The following NRP2 variants were observed in gnomAD, a reference collection of about 807,000 sequenced individuals.
The protein encoded by NRP2 is neuropilin 2, also known as neuropilin-2.
NRP2 carries 52 observed loss-of-function variants against 110.4 expected under a neutral mutation model. The ratio of observed to expected loss-of-function variants is 0.47; its 90% CI spans 0.38 to 0.59. The LOEUF is 0.59. NRP2 is among the 20% of genes least tolerant of loss of function. NRP2 has a pLI of 0.00. For missense variants in NRP2, 1,049 were observed against 1,203.0 expected (o/e 0.87, Z 1.89); for synonymous variants, 508 against 468.9 (o/e 1.08, Z -1.08).
Position 205,745,800 on chromosome 2 carries a change from A to AT in NRP2, c.1698dup (p.Pro567SerfsTer27), listed in dbSNP as rs754207413. 6.2e-7 allele frequency: 1 copy of AT among 1,614,118 alleles called. No homozygotes were observed. Among genetic ancestry groups the AT allele is most frequent in the Non-Finnish European group, 8.5e-7 (1 of 1,180,034 alleles). ...CCCTGACATCCGAAGGTTTGACCCC[A>AT]TTCCGGCACAGTATGTGCGGGTATA... is the stretch of plus-strand genomic sequence containing the variant. On this transcript the variant is annotated frameshift_variant, in exon 10 of 17. Transcript: ENST00000357785. LOFTEE classifies it high-confidence loss of function.
chr2:205,716,511 C>A, intron 3 of NRP2, 137 bp downstream of exon 3: 1 of 600,066 alleles, frequency 1.7e-6, no homozygotes, highest in Non-Finnish European at 2.6e-6. Context: ...CAAGGTGAAC[C>A]CACAAACATC....
At chr2:205,739,199 C>T (rs569956337) in intron 7 of NRP2, among the ~76,000 whole-genome samples, 157 of 152,274 alleles carry the variant, frequency 1.0e-3, no homozygotes, top group African/African-American at 3.5e-3. Flanking sequence ...TGACTCCCAG[C>T]CACCAGCATA....
intron 2 of NRP2, among the ~76,000 whole-genome samples, chr2:205,715,753 C>G (rs1310106819): frequency 6.6e-6 from 1 of 152,062 alleles, no homozygotes; most frequent in Admixed American, 6.5e-5. Flanking sequence ...TCTCCCCAGC[C>G]TTGTGGAGTG....
intron 1 of NRP2, among the ~76,000 whole-genome samples, chr2:205,693,206 C>T (rs532093132): frequency 2.2e-4 from 33 of 152,300 alleles, no homozygotes; most frequent in African/African-American, 7.7e-4. Context: ...ATATTATTTT[C>T]AGAGGAAATG....
At chr2:205,699,202 C>T (rs890598175) in intron 2 of NRP2, among the ~76,000 whole-genome samples, 1 of 152,154 alleles carries the variant, frequency 6.6e-6, no homozygotes, top group Non-Finnish European at 1.5e-5. Context: ...TACATGAGTA[C>T]CCTGGATACA....
chr2:205,793,314 C>A (rs928736531), intron 16 of NRP2, among the ~76,000 whole-genome samples: 1 of 152,188 alleles, frequency 6.6e-6, no homozygotes, highest in African/African-American at 2.4e-5. Flanking sequence ...GAGTGAGTTA[C>A]CTAGTTGCCT....
At chr2:205,752,655 G>A in intron 11 of NRP2, 180 bp from the exon 12 acceptor site, 1 of 664,584 alleles carries the variant, frequency 1.5e-6, no homozygotes, top group South Asian at 1.8e-5. Context: ...GGAAGGATGA[G>A]ACCAAAGCCT....
intron 2 of NRP2, among the ~76,000 whole-genome samples, chr2:205,704,941 T>C (rs1381692241): frequency 2.6e-5 from 4 of 152,118 alleles, no homozygotes; most frequent in African/African-American, 9.7e-5. Context: ...CTTAAGAAAT[T>C]CAGTGGGAGC....
intron 11 of NRP2, among the ~76,000 whole-genome samples, chr2:205,750,770 G>A (rs1035955362): frequency 6.6e-6 from 1 of 152,176 alleles, no homozygotes; most frequent in Non-Finnish European, 1.5e-5. Context: ...CTAGAGAAGT[G>A]ATGGAGACAT....
Position 205,745,785 on chromosome 2 carries a change from C to T in NRP2, c.1681C>T (p.Arg561Ter), listed in dbSNP as rs770649744. Residue 561 changes from arginine to a stop codon, truncating the protein, a stop_gained, in exon 10 of 17, where the codon CGA becomes TGA. Coordinates refer to ENST00000357785, the MANE Select transcript of NRP2 (RefSeq NM_003872.3). LOFTEE classifies it high-confidence loss of function. ...CATGCACTATGACACCCCTGACATC[C>T]GAAGGTTTGACCCCATTCCGGCACA... ...GNMHYDTPDI[R>*]RFDPIPAQYV... 2.5e-6 allele frequency: 4 copies of T among 1,614,206 alleles called. No homozygotes were observed. Among genetic ancestry groups the T allele is most frequent in the Non-Finnish European group, 2.5e-6 (3 of 1,180,034 alleles).
chr2:205,744,569 T>C (rs1269065817), intron 9 of NRP2, among the ~76,000 whole-genome samples: 3 of 152,152 alleles, frequency 2.0e-5, no homozygotes, highest in Non-Finnish European at 4.4e-5. Context: ...GGAGGAGACG[T>C]CATACCTCTG....
At chr2:205,697,865 C>A in intron 2 of NRP2, 144 bp downstream of exon 2, 1 of 828,346 alleles carries the variant, frequency 1.2e-6, no homozygotes, top group Non-Finnish European at 2.1e-6. Flanking sequence ...AGGAAAACCT[C>A]AAGGGGCATT....
chr2:205,704,231 G>A (rs933164470), intron 2 of NRP2, among the ~76,000 whole-genome samples: 6 of 152,180 alleles, frequency 3.9e-5, no homozygotes, highest in Non-Finnish European at 8.8e-5. Context: ...AATAGAGGGC[G>A]GGAGGCCAGA....
chr2:205,741,049 G>A (rs1007699160), intron 8 of NRP2, among the ~76,000 whole-genome samples: 7 of 152,168 alleles, frequency 4.6e-5, no homozygotes, highest in Non-Finnish European at 1.0e-4. Context: ...AATCTAGGCA[G>A]TTCCAGTCCA....
intron 15 of NRP2, chr2:205,776,458 G>A: frequency 3.1e-6 from 5 of 1,612,686 alleles, no homozygotes; most frequent in Non-Finnish European, 4.2e-6. Flanking sequence ...CTACACCAAC[G>A]GGGCCCCTCT....
intron 2 of NRP2, among the ~76,000 whole-genome samples, chr2:205,714,023 G>A (rs997187154): frequency 6.6e-6 from 1 of 152,180 alleles, no homozygotes; most frequent in Non-Finnish European, 1.5e-5. Context: ...TCTGAAAACA[G>A]GGTCGCTTCT....
Position 205,753,107 on chromosome 2 carries a change from CCA to C in NRP2, c.2044+135_2044+136del. 2.4e-6 allele frequency: 3 copies of C among 1,244,188 alleles called. No homozygotes were observed. The South Asian group carries it at 3.7e-5, about 15-fold the overall frequency. The allele number at this position is 1,244,188 out of a possible 1,614,324, so 77.1% of individuals were successfully genotyped here. On this transcript the variant is annotated intron_variant, in intron 12 of 16. Coordinates refer to ENST00000357785, the MANE Select transcript of NRP2 (RefSeq NM_003872.3). Reference sequence around the variant, plus strand: ...TCCTCTATTCTTTGCCCACAAACCACCACAGTCTTTGCTCAAGACGTCACCTC... The same window carrying C: ...TCCTCTATTCTTTGCCCACAAACCACCAGTCTTTGCTCAAGACGTCACCTC...
intron 1 of NRP2, among the ~76,000 whole-genome samples, chr2:205,690,490 C>A (rs2056287617): frequency 6.6e-6 from 1 of 151,912 alleles, no homozygotes; most frequent in Non-Finnish European, 1.5e-5. Flanking sequence ...AATCCCAGCA[C>A]TTTGGGAGGA....
chr2:205,703,585 A>G (rs145622170), intron 2 of NRP2, among the ~76,000 whole-genome samples: 1 of 152,292 alleles, frequency 6.6e-6, no homozygotes, highest in Non-Finnish European at 1.5e-5. Flanking sequence ...TGCATTTGGC[A>G]GGGGACATGA....
Sources: allele counts gnomAD v4.1 joint callset (sites outside exome capture counted in the v4.1 genomes callset), GRCh38; gene constraint gnomAD v4.1.1; transcripts MANE v1.5; gene names NCBI Gene and HGNC (gene_info 2026-07-23, HGNC 2026-07-21).